Variants in GPD2 observed in about 807,000 individuals in gnomAD.
The protein encoded by GPD2 is glycerol-3-phosphate dehydrogenase, mitochondrial.
A neutral mutation model predicts 82.4 loss-of-function variants in GPD2; 54 were observed. The ratio of observed to expected loss-of-function variants is 0.66; its 90% CI spans 0.53 to 0.82. The LOEUF (loss-of-function observed/expected upper bound fraction) is 0.82, where lower values mean the gene tolerates loss of function less well. Among genes scored for constraint, GPD2 ranks in the 40% least tolerant of loss-of-function variants. The probability of loss-of-function intolerance (pLI) is 0.00; values close to 1 mark genes in which losing one functional copy is unlikely to be tolerated. For missense variants in GPD2, 748 were observed against 896.2 expected (o/e 0.83, Z 2.11); for synonymous variants, 288 against 306.1 (o/e 0.94, Z 0.62).
chr2:156,439,664 T>A (rs1347050557), intron 1 of GPD2, among the ~76,000 whole-genome samples: 2 of 148,724 alleles, frequency 1.3e-5, no homozygotes, highest in African/African-American at 2.5e-5. Flanking sequence ...CTGGCCAACA[T>A]GGCAAAACCC....
chr2:156,481,187 A>G (rs1166220558), intron 2 of GPD2, among the ~76,000 whole-genome samples: 2 of 152,098 alleles, frequency 1.3e-5, no homozygotes, highest in South Asian at 2.1e-4. Flanking sequence ...TTGACATGTC[A>G]TAATTGTACA....
intron 15 of GPD2, 56 bp downstream of exon 15, chr2:156,579,220 G>A: frequency 1.0e-6 from 1 of 1,003,474 alleles, no homozygotes; most frequent in South Asian, 1.3e-5. Context: ...AAAAATATTA[G>A]ATGTTTTTCT....
intron 8 of GPD2, among the ~76,000 whole-genome samples, chr2:156,551,070 T>G (rs1372196564): frequency 6.6e-6 from 1 of 152,202 alleles, no homozygotes; most frequent in East Asian, 1.9e-4. Flanking sequence ...TTTGCAAAAT[T>G]TTTTATAAAG....
chr2:156,536,990 C>T (rs1177786477), intron 6 of GPD2, among the ~76,000 whole-genome samples: 1 of 152,172 alleles, frequency 6.6e-6, no homozygotes, highest in African/African-American at 2.4e-5. Context: ...AGCAGAATGT[C>T]AGAGCTTTGG....
At chr2:156,409,881 G>A in the GPD2 span, among the ~76,000 whole-genome samples, 1 of 152,060 alleles carries the variant, frequency 6.6e-6, no homozygotes, top group Non-Finnish European at 1.5e-5. Context: ...TTGAGGCCAG[G>A]AGTTTGACAC....
chr2:156,404,996 G>T, the GPD2 span, among the ~76,000 whole-genome samples: 6 of 152,168 alleles, frequency 3.9e-5, no homozygotes, highest in Non-Finnish European at 7.3e-5. Context: ...TGCAAAGAAG[G>T]TTCGGAGCAT....
chr2:156,513,531 TAC>T, intron 6 of GPD2, 35 bp downstream of exon 6: 3 of 1,522,118 alleles, frequency 2.0e-6, no homozygotes, highest in Non-Finnish European at 2.7e-6. Flanking sequence ...CCTCACAAGA[TAC>T]TTTTCTCTCA....
At chr2:156,466,120 C>G (rs752594072) in intron 1 of GPD2, among the ~76,000 whole-genome samples, 1 of 151,966 alleles carries the variant, frequency 6.6e-6, no homozygotes, top group Non-Finnish European at 1.5e-5. Context: ...TCAGGGTTAC[C>G]CTCAATTATG....
chr2:156,400,738 A>C, the GPD2 span, among the ~76,000 whole-genome samples: 1 of 152,220 alleles, frequency 6.6e-6, no homozygotes, highest in Non-Finnish European at 1.5e-5. Flanking sequence ...AGACTGAATG[A>C]GTATGGACAC....
rs781390500 is a variant in GPD2 at position 156,549,751 on chromosome 2, C to T, written c.805C>T (p.Arg269Trp). 18 of 1,613,490 alleles carry T rather than the reference C, an allele frequency of 1.1e-5. No homozygotes were observed. The highest frequency in any genetic ancestry group is 8.0e-5 in the African/African-American group (6 of 74,916). The change falls in exon 7 of 17, where the codon CGG (arginine) becomes TGG (tryptophan). Residue 269 changes from arginine (R) to tryptophan (W), a missense_variant. Coordinates refer to ENST00000438166, the MANE Select transcript of GPD2 (RefSeq NM_000408.5). ...AGGGAAAGTGCGTGTGAGCGGCGCA[C>T]GGTGCAAGGATGTCCTCACAGGTAT... Reference protein sequence around the residue: ...QTGKVRVSGARCKDVLTGQEF... With the variant: ...QTGKVRVSGAWCKDVLTGQEF...
the GPD2 span, among the ~76,000 whole-genome samples, chr2:156,405,689 G>A: frequency 6.6e-6 from 1 of 152,200 alleles, no homozygotes; most frequent in Admixed American, 6.5e-5. Context: ...AGAGATCAGA[G>A]GATGACCAAC....
At chr2:156,429,044 T>C in the GPD2 span, among the ~76,000 whole-genome samples, 6 of 152,390 alleles carry the variant, frequency 3.9e-5, no homozygotes, top group African/African-American at 1.4e-4. Context: ...AAATCCTGTC[T>C]GTTGCTATTG....
intron 13 of GPD2, among the ~76,000 whole-genome samples, chr2:156,577,809 T>G (rs1483547042): frequency 6.6e-6 from 1 of 152,236 alleles, no homozygotes; most frequent in Non-Finnish European, 1.5e-5. Flanking sequence ...CTGCTGTGGC[T>G]CTCTTCTCCA....
At chr2:156,540,420 G>A (rs1686262202) in intron 6 of GPD2, among the ~76,000 whole-genome samples, 1 of 152,152 alleles carries the variant, frequency 6.6e-6, no homozygotes, top group African/African-American at 2.4e-5. Flanking sequence ...TGGGATGGTA[G>A]AATGCCTTTC....
intron 1 of GPD2, among the ~76,000 whole-genome samples, chr2:156,463,990 T>C (rs1017759945): frequency 2.6e-5 from 4 of 152,178 alleles, no homozygotes; most frequent in African/African-American, 9.7e-5. Flanking sequence ...AAAAGAAATA[T>C]CTTTTTCTTT....
chr2:156,552,061 C>T (rs901781723), intron 8 of GPD2, among the ~76,000 whole-genome samples: 1 of 152,098 alleles, frequency 6.6e-6, no homozygotes, highest in Non-Finnish European at 1.5e-5. Context: ...GTTGGTTGTC[C>T]GGTAACTAAA....
In GPD2 at chr2:156,550,617, T is replaced by C; in HGVS notation, c.842T>C (p.Val281Ala). ...KDVLTGQEFD[V>A]RAKCVINATG... is the part of the protein sequence containing the mutation. ...TCTTTCACAGGGCAGGAATTTGACGTGAGAGCCAAATGTGTTATCAATGCC... is the reference window on the plus strand; with the variant it reads ...TCTTTCACAGGGCAGGAATTTGACGCGAGAGCCAAATGTGTTATCAATGCC... Residue 281 changes from valine (V) to alanine (A), a missense_variant, in exon 8 of 17, where the codon GTG (valine) becomes GCG (alanine). Around this residue, in one of 3 missense-constraint regions of GPD2, gnomAD observed 692 missense variants for 809.7 expected, o/e 0.85. Coordinates refer to ENST00000438166, the MANE Select transcript of GPD2 (RefSeq NM_000408.5). The C allele has an allele frequency of 6.2e-7, 1 of 1,613,958 alleles. No individual in the cohort carries two copies. The highest frequency in any genetic ancestry group is 8.5e-7 in the Non-Finnish European group (1 of 1,179,842).
chr2:156,489,277 CAAT>C (rs1230469576), intron 2 of GPD2, among the ~76,000 whole-genome samples: 1 of 152,160 alleles, frequency 6.6e-6, no homozygotes, highest in African/African-American at 2.4e-5. Context: ...TGAAATATAG[CAAT>C]TTAAAAATAT....
the GPD2 span, among the ~76,000 whole-genome samples, chr2:156,400,936 G>A: frequency 6.6e-6 from 1 of 152,066 alleles, no homozygotes; most frequent in Admixed American, 6.6e-5. Flanking sequence ...TCACATCTAG[G>A]CCGCCCAAAA....
Sources: allele counts gnomAD v4.1 joint callset (sites outside exome capture counted in the v4.1 genomes callset), GRCh38; gene constraint gnomAD v4.1.1; regional missense constraint gnomAD v4.1.1; transcripts MANE v1.5; gene names NCBI Gene and HGNC (gene_info 2026-07-23, HGNC 2026-07-21).